UNC80: variants seen among roughly 807,000 people sequenced by gnomAD.
UNC80 encodes protein unc-80 homolog.
Under a neutral mutation model 384.6 loss-of-function variants are expected in UNC80, and 164 were observed. The ratio of observed to expected loss-of-function variants is 0.43; its 90% CI spans 0.38 to 0.49. The LOEUF (loss-of-function observed/expected upper bound fraction) is 0.49. Among genes scored for constraint, UNC80 ranks in the 20% least tolerant of loss-of-function variants. The pLI is 0.00. For missense variants in UNC80, 3,330 were observed against 4,143.0 expected, an observed-to-expected ratio of 0.80 and a Z score of 5.39; for synonymous variants, 1,486 against 1,527.8, an observed-to-expected ratio of 0.97 and a Z score of 0.64.
At chr2:209,913,988 C>A in intron 31 of UNC80, 48 bp downstream of exon 31, 1 of 1,500,330 alleles carries the variant, frequency 6.7e-7, no homozygotes. Flanking sequence ...ACTGCTGTTA[C>A]TGATCCAAGT....
At chr2:209,889,870 T>A (rs2086167790) in intron 26 of UNC80, among the ~76,000 whole-genome samples, 1 of 152,184 alleles carries the variant, frequency 6.6e-6, no homozygotes, top group Admixed American at 6.5e-5. Context: ...TGTGCCACAT[T>A]TTCTTAATTT....
chr2:209,774,402 T>C (rs976030449), intron 2 of UNC80, among the ~76,000 whole-genome samples: 2 of 152,214 alleles, frequency 1.3e-5, no homozygotes, highest in Non-Finnish European at 2.9e-5. Context: ...TGACTTTCTC[T>C]GTTCTTGGCG....
chr2:209,839,252 G>C lies in UNC80; in HGVS notation c.3072G>C (p.Gly1024=), dbSNP rs1033453225. ...AACAAATGCAAGGAGCCAACTTGGG[G>C]CGGAAAGATTTCTGGCGTAAGATGT... ...HDEQMQGANL[G]RKDFWRKMFK... is the part of the protein sequence containing the mutation. Residue 1024 remains glycine (G), a synonymous_variant, in exon 19 of 65, where the codon GGG becomes GGC. Coordinates refer to ENST00000673920, the MANE Select transcript of UNC80 (RefSeq NM_001371986.1). This position sits in a 1 kb window ranked among gnomAD's most constrained non-coding sequence, Gnocchi z 4.1. 2.6e-6 allele frequency: 4 copies of C among 1,551,534 alleles called. No individual in the cohort carries two copies. The highest frequency in any genetic ancestry group is 3.9e-5 in the Admixed American group (2 of 50,982).
intron 24 of UNC80, among the ~76,000 whole-genome samples, chr2:209,879,525 T>C (rs1047977471): frequency 2.6e-5 from 4 of 152,220 alleles, no homozygotes; most frequent in African/African-American, 9.6e-5. Flanking sequence ...ACTAAGCTCA[T>C]TGTCTGCAGG....
intron 47 of UNC80, among the ~76,000 whole-genome samples, chr2:209,950,651 C>G (rs182646235): frequency 6.6e-6 from 1 of 151,738 alleles, no homozygotes; most frequent in African/African-American, 2.4e-5. Flanking sequence ...CTCCACCTCC[C>G]GGATTCAAGC....
chr2:209,797,793 C>G (rs1176618191), intron 7 of UNC80, among the ~76,000 whole-genome samples: 1 of 152,156 alleles, frequency 6.6e-6, no homozygotes, highest in African/African-American at 2.4e-5. Context: ...AAAAGCATTC[C>G]TATTTCTCCA....
At chr2:209,865,578 G>C (rs975522556) in intron 22 of UNC80, among the ~76,000 whole-genome samples, 1 of 146,952 alleles carries the variant, frequency 6.8e-6, no homozygotes, top group African/African-American at 2.5e-5. Context: ...CTCCAGCTCC[G>C]TCTCAGAAAA....
intron 22 of UNC80, among the ~76,000 whole-genome samples, chr2:209,867,875 C>T (rs1034546373): frequency 2.0e-5 from 3 of 152,150 alleles, no homozygotes; most frequent in Admixed American, 6.5e-5. Flanking sequence ...TTTTACCCAC[C>T]ATTTCAGGTG....
intron 49 of UNC80, 111 bp downstream of exon 49, chr2:209,957,847 C>A: frequency 1.1e-6 from 1 of 938,224 alleles, no homozygotes; most frequent in Non-Finnish European, 1.5e-6. Flanking sequence ...GTGTGAAAAC[C>A]TCCAAGGAAA....
intron 22 of UNC80, among the ~76,000 whole-genome samples, chr2:209,860,176 G>C (rs913555120): frequency 3.3e-5 from 5 of 152,148 alleles, no homozygotes; most frequent in Non-Finnish European, 5.9e-5. Context: ...TTACATTTAA[G>C]TCTTTAATCC....
chr2:209,887,953 C>G, intron 25 of UNC80, 142 bp from the exon 26 acceptor site: 1 of 658,800 alleles, frequency 1.5e-6, no homozygotes, highest in Non-Finnish European at 2.5e-6. Context: ...TGCATGGTCA[C>G]AATCTAAAAT....
At chr2:209,873,062 A>G in intron 23 of UNC80, 92 bp downstream of exon 23, 1 of 1,238,268 alleles carries the variant, frequency 8.1e-7, no homozygotes, top group African/African-American at 1.5e-5. Context: ...AAGACAATTT[A>G]TTGAGTGTTT....
chr2:209,977,183 G>A (rs2093035256), intron 58 of UNC80, 105 bp downstream of exon 58: 2 of 1,188,396 alleles, frequency 1.7e-6, no homozygotes, highest in African/African-American at 1.5e-5. Flanking sequence ...CTATGAATAT[G>A]TTAGCCATTT....
At chr2:209,966,594 A>G (rs751923423) in intron 51 of UNC80, among the ~76,000 whole-genome samples, 1 of 152,188 alleles carries the variant, frequency 6.6e-6, no homozygotes, top group Non-Finnish European at 1.5e-5. Context: ...TTTACTAGAA[A>G]CCTCATTTTC....
Position 209,982,176 on chromosome 2 carries a change from T to C in UNC80, c.9119-3T>C, listed in dbSNP as rs1396475367. 3.9e-6 allele frequency: 6 copies of C among 1,550,768 alleles called. No individual in the cohort carries two copies. The Admixed American group carries it at 5.9e-5, about 15-fold the overall frequency. On this transcript the variant is annotated splice_polypyrimidine_tract_variant and splice_region_variant and intron_variant, in intron 59 of 64. Coordinates refer to ENST00000673920, the MANE Select transcript of UNC80 (RefSeq NM_001371986.1). ...TAACACTCTATTCCTTTGCCCCTTT[T>C]AGATGACTCTATAAGCATGCCCAGC... is the stretch of plus-strand genomic sequence containing the variant.
At chr2:209,857,182 C>G (rs1258601246) in intron 22 of UNC80, among the ~76,000 whole-genome samples, 1 of 152,136 alleles carries the variant, frequency 6.6e-6, no homozygotes, top group Non-Finnish European at 1.5e-5. Context: ...CTAGTCGAGG[C>G]TCTTCGTTCT....
chr2:209,901,482 T>C lies in UNC80; in HGVS notation c.4582-3283T>C, dbSNP rs529634615. On this transcript the variant is annotated intron_variant, in intron 28 of 64. Coordinates refer to ENST00000673920, the MANE Select transcript of UNC80 (RefSeq NM_001371986.1). ...CAAAAAAAAATTTCTTTCAATAGAT[T>C]GCTGCTTATTGACAATGTGGCTGGT... Among the ~76,000 whole-genome samples, 85 of 152,318 alleles carry C rather than the reference T, an allele frequency of 5.6e-4. 1 individual carries two copies. The highest frequency in any genetic ancestry group is 2.0e-3 in the African/African-American group (82 of 41,574).
intron 25 of UNC80, among the ~76,000 whole-genome samples, chr2:209,882,159 G>A (rs2085352720): frequency 1.3e-5 from 2 of 151,762 alleles, no homozygotes; most frequent in South Asian, 2.1e-4. Flanking sequence ...GTAGAGACGG[G>A]GTTTCACCAT....
intron 18 of UNC80, 28 bp downstream of exon 18, chr2:209,835,038 G>A (rs1305052488): frequency 3.3e-6 from 5 of 1,504,556 alleles, no homozygotes; most frequent in East Asian, 4.9e-5. Context: ...TGTCTCCAGT[G>A]CAGACGGCTA....
Sources: gnomAD v4.1 joint callset for allele counts (sites outside exome capture counted in the v4.1 genomes callset) on GRCh38, gnomAD v4.1.1 for gene constraint, Gnocchi (gnomAD v3.1) non-coding constraint, MANE v1.5 for transcripts, NCBI Gene and HGNC (gene_info 2026-07-23, HGNC 2026-07-21) for gene names.